The following EDNRB variants were observed in gnomAD, a reference collection of about 807,000 sequenced individuals.
EDNRB encodes Hirschsprung disease 2.
In EDNRB, 18 loss-of-function variants were observed where a neutral mutation model predicts 46.4. The ratio of observed to expected loss-of-function variants is 0.39; its 90% CI spans 0.27 to 0.57. The LOEUF is 0.57. Among genes scored for constraint, EDNRB ranks in the 20% least tolerant of loss-of-function variants. The pLI, the probability that EDNRB is intolerant of heterozygous loss-of-function variation, is 0.61. For missense variants in EDNRB, 434 were observed against 537.5 expected (o/e 0.81, Z 1.90); for synonymous variants, 213 against 204.9 (o/e 1.04, Z -0.34).
At chr13:77,928,002 A>C (rs1390874349) in intron 1 of EDNRB, among the ~76,000 whole-genome samples, 1 of 152,104 alleles carries the variant, frequency 6.6e-6, no homozygotes. Context: ...GTAAGAAGTG[A>C]CTTTGCTCCT....
chr13:77,936,048 T>C (rs974444112), intron 1 of EDNRB, among the ~76,000 whole-genome samples: 12 of 152,178 alleles, frequency 7.9e-5, no homozygotes, highest in Non-Finnish European at 1.6e-4. Flanking sequence ...TTCATCCTTT[T>C]AAAGCATGCT....
At chr13:77,921,232 A>T, upstream of EDNRB, among the ~76,000 whole-genome samples, 1 of 152,220 alleles carries the variant, frequency 6.6e-6, no homozygotes. Context: ...TATTTTTTAT[A>T]AATTGATAAT....
chr13:77,949,019 C>T (rs1001099569), intron 1 of EDNRB, among the ~76,000 whole-genome samples: 22 of 152,184 alleles, frequency 1.4e-4, no homozygotes, highest in African/African-American at 5.3e-4. Context: ...GTCTACACAT[C>T]TCAAAAATTA....
intron 1 of EDNRB, among the ~76,000 whole-genome samples, chr13:77,968,007 T>A (rs996135286): frequency 1.3e-5 from 2 of 152,174 alleles, no homozygotes; most frequent in Non-Finnish European, 2.9e-5. Flanking sequence ...CTGTGTGCCA[T>A]GAACAGTTTA....
chr13:77,915,508 C>T (rs113146869), intron 1 of EDNRB, among the ~76,000 whole-genome samples: 28 of 152,174 alleles, frequency 1.8e-4, no homozygotes, highest in Non-Finnish European at 2.9e-4. Flanking sequence ...GATCTGCTTT[C>T]AAGCCCCAGT....
At position 77,903,575 on chromosome 13, in the gene EDNRB, C is replaced by T. The variant is rs772385532; in HGVS notation, c.516G>A (p.Glu172=). The change falls in exon 2 of 7, where the codon GAG becomes GAA. Residue 172 remains glutamate (E), a synonymous_variant. Transcript: ENST00000646607. ...GTATGAAAGGCACCAGCTTACACAT[C>T]TCAGCTCCAAATGGCCAGTCCTCTG... ...LLAEDWPFGA[E]MCKLVPFIQK... The T allele has an allele frequency of 1.2e-6, 2 of 1,612,810 alleles. No individual in the cohort carries two copies. Among genetic ancestry groups the T allele is most frequent in the South Asian group, 1.1e-5 (1 of 91,060 alleles).
At chr13:77,938,787 G>A (rs1232877304) in intron 1 of EDNRB, among the ~76,000 whole-genome samples, 1 of 152,154 alleles carries the variant, frequency 6.6e-6, no homozygotes, top group Admixed American at 6.5e-5. Flanking sequence ...GTGGTTGAGG[G>A]ATAGTGAGAG....
intron 1 of EDNRB, among the ~76,000 whole-genome samples, chr13:77,912,876 G>A (rs557516957): frequency 4.8e-4 from 73 of 152,098 alleles, no homozygotes; most frequent in African/African-American, 1.1e-3. Flanking sequence ...TGAGAACATT[G>A]TTATTAAACT....
At chr13:77,919,254 C>T (rs1879987254), upstream of EDNRB, 2 of 897,626 alleles carry the variant, frequency 2.2e-6, no homozygotes, top group South Asian at 1.8e-5. Flanking sequence ...CGCGCTCCTT[C>T]CTTTACCCAA....
chr13:77,967,798 T>G (rs1210430860), intron 1 of EDNRB, among the ~76,000 whole-genome samples: 1 of 152,190 alleles, frequency 6.6e-6, no homozygotes, highest in African/African-American at 2.4e-5. Flanking sequence ...TTACTCCTCC[T>G]AAGAGCTATG....
At chr13:77,965,280 G>C (rs539702158) in intron 1 of EDNRB, among the ~76,000 whole-genome samples, 20 of 152,222 alleles carry the variant, frequency 1.3e-4, no homozygotes, top group African/African-American at 4.8e-4. Flanking sequence ...AGAAAATTTT[G>C]ATGTTACATT....
chr13:77,905,447 C>G (rs1391312468), intron 1 of EDNRB, among the ~76,000 whole-genome samples: 4 of 151,908 alleles, frequency 2.6e-5, no homozygotes, highest in Non-Finnish European at 4.4e-5. Context: ...CTGGGTTAAT[C>G]AACTGACTCA....
Position 77,918,383 on chromosome 13 carries a change from C to A in EDNRB, c.191G>T (p.Arg64Leu), listed in dbSNP as rs201002254. ...AGGCACCTCCGCAGGTGCCAACGACCGCGCCAGACTGGCGTTGGAACCCTT... is the reference window on the plus strand; with the variant it reads ...AGGCACCTCCGCAGGTGCCAACGACAGCGCCAGACTGGCGTTGGAACCCTT... ...WPKGSNASLARSLAPAEVPKG... is the reference protein window; with the variant it reads ...WPKGSNASLALSLAPAEVPKG... Residue 64 changes from arginine (R) to leucine (L), a missense_variant, in exon 1 of 7, where the codon CGG (arginine) becomes CTG (leucine). Coordinates refer to ENST00000646607, the MANE Select transcript of EDNRB (RefSeq NM_001122659.3). The surrounding 1 kb of genome is among the most constrained non-coding windows in gnomAD (Gnocchi z 4.5). The A allele has an allele frequency of 2.2e-5, 36 of 1,605,108 alleles. No homozygotes were observed. Among genetic ancestry groups the A allele is most frequent in the Middle Eastern group, 1.7e-4 (1 of 6,044 alleles).
At chr13:77,905,551 G>A (rs1435523986) in intron 1 of EDNRB, among the ~76,000 whole-genome samples, 1 of 151,880 alleles carries the variant, frequency 6.6e-6, no homozygotes, top group East Asian at 1.9e-4. Flanking sequence ...CTCTCATGGA[G>A]TTTACACTAT....
intron 1 of EDNRB, among the ~76,000 whole-genome samples, chr13:77,934,753 A>G (rs1474184303): frequency 6.6e-6 from 1 of 151,346 alleles, no homozygotes; most frequent in Admixed American, 6.6e-5. Context: ...TATTTCCTTG[A>G]GATAGATTTC....
intron 1 of EDNRB, among the ~76,000 whole-genome samples, chr13:77,966,798 A>C (rs560907133): frequency 6.6e-6 from 1 of 152,174 alleles, no homozygotes; most frequent in Non-Finnish European, 1.5e-5. Flanking sequence ...TCTGAGACTG[A>C]CTATGTGAAA....
At chr13:77,954,315 T>C (rs1418550210) in intron 1 of EDNRB, among the ~76,000 whole-genome samples, 1 of 152,074 alleles carries the variant, frequency 6.6e-6, no homozygotes, top group African/African-American at 2.4e-5. Context: ...GGTAACACCA[T>C]TCTATTGTCT....
intron 3 of EDNRB, among the ~76,000 whole-genome samples, chr13:77,901,865 C>T (rs1211229820): frequency 6.6e-6 from 1 of 151,894 alleles, no homozygotes; most frequent in Non-Finnish European, 1.5e-5. Flanking sequence ...TTCAATTTCA[C>T]ATTATGTCCT....
At chr13:77,906,342 C>T (rs1013029087) in intron 1 of EDNRB, among the ~76,000 whole-genome samples, 1 of 152,002 alleles carries the variant, frequency 6.6e-6, no homozygotes, top group African/African-American at 2.4e-5. Flanking sequence ...CTAGACCCAG[C>T]CTGGTACAAC....
Sources: allele counts gnomAD v4.1 joint callset (sites outside exome capture counted in the v4.1 genomes callset), GRCh38; gene constraint gnomAD v4.1.1; non-coding constraint Gnocchi (gnomAD v3.1); transcripts MANE v1.5; gene names NCBI Gene and HGNC (gene_info 2026-07-23, HGNC 2026-07-21).